TAF1B: variants seen among roughly 807,000 people sequenced by gnomAD.
The protein encoded by TAF1B is TATA-box binding protein associated factor, RNA polymerase I subunit B.
Under a neutral mutation model 83.9 loss-of-function variants are expected in TAF1B, and 61 were observed. The ratio of observed to expected loss-of-function variants is 0.73; its 90% CI spans 0.59 to 0.90. The LOEUF is 0.90. Among genes scored for constraint, TAF1B ranks in the 40% least tolerant of loss-of-function variants. TAF1B has a pLI of 0.00. For missense variants in TAF1B, 625 were observed against 677.0 expected (o/e 0.92, Z 0.85); for synonymous variants, 221 against 224.6 (o/e 0.98, Z 0.14).
chr2:9,909,135 AAATT>A (rs763478042), intron 9 of TAF1B, among the ~76,000 whole-genome samples: 2 of 152,222 alleles, frequency 1.3e-5, no homozygotes, highest in Non-Finnish European at 2.9e-5. Flanking sequence ...TTCAAGAAAG[AAATT>A]AATTTTGTGT....
chr2:9,902,220 T>C (rs1352074109), intron 8 of TAF1B, among the ~76,000 whole-genome samples: 2 of 137,082 alleles, frequency 1.5e-5, no homozygotes, highest in Admixed American at 8.3e-5. Context: ...AAAGGTGATA[T>C]ATGAAGCTTT....
intron 14 of TAF1B, among the ~76,000 whole-genome samples, chr2:9,923,760 C>T (rs765938967): frequency 6.6e-6 from 1 of 152,152 alleles, no homozygotes; most frequent in Non-Finnish European, 1.5e-5. Flanking sequence ...CCAGGGTCAG[C>T]GCCATGTCTG....
intron 6 of TAF1B, among the ~76,000 whole-genome samples, chr2:9,869,489 C>T (rs1013373363): frequency 1.3e-5 from 2 of 151,500 alleles, no homozygotes; most frequent in African/African-American, 4.8e-5. Flanking sequence ...TCCCAAAGTG[C>T]TGGGATTACA....
At chr2:9,863,998 A>G (rs1663872984) in intron 5 of TAF1B, among the ~76,000 whole-genome samples, 1 of 152,218 alleles carries the variant, frequency 6.6e-6, no homozygotes, top group African/African-American at 2.4e-5. Flanking sequence ...GAAAGCAGGA[A>G]AGATCTAAAA....
At chr2:9,913,410 T>C (rs1302549291) in intron 12 of TAF1B, 161 bp downstream of exon 12, 4 of 501,204 alleles carry the variant, frequency 8.0e-6, no homozygotes, top group Non-Finnish European at 1.4e-5. Context: ...CTTTTTTACA[T>C]TACTATTAAT....
intron 8 of TAF1B, among the ~76,000 whole-genome samples, chr2:9,890,835 A>G (rs4669481): frequency 0.23 from 35,645 of 152,022 alleles, 4,879 homozygotes; most frequent in East Asian, 0.31. Context: ...CAATTGCACA[A>G]TCTATGCTCA....
chr2:9,863,870 G>A (rs1369312820), intron 5 of TAF1B, among the ~76,000 whole-genome samples: 2 of 152,044 alleles, frequency 1.3e-5, no homozygotes, highest in Middle Eastern at 3.2e-3. Context: ...CGAAATGAAG[G>A]CAGAAATAAA....
intron 2 of TAF1B, among the ~76,000 whole-genome samples, chr2:9,849,099 G>A (rs575008302): frequency 2.6e-5 from 4 of 152,216 alleles, no homozygotes; most frequent in African/African-American, 4.8e-5. Context: ...GTTTGTAAAA[G>A]TTAAAAAGTG....
intron 14 of TAF1B, among the ~76,000 whole-genome samples, chr2:9,929,433 C>T (rs1334824728): frequency 6.6e-6 from 1 of 152,102 alleles, no homozygotes; most frequent in Non-Finnish European, 1.5e-5. Flanking sequence ...GCTGGGATTA[C>T]AGGCGCGAGC....
At chr2:9,855,533 G>C (rs867980974) in intron 5 of TAF1B, among the ~76,000 whole-genome samples, 1 of 152,024 alleles carries the variant, frequency 6.6e-6, no homozygotes, top group Admixed American at 6.5e-5. Context: ...TAAAAAATAC[G>C]TACTGGGCAT....
intron 3 of TAF1B, among the ~76,000 whole-genome samples, chr2:9,850,558 A>C: frequency 6.6e-6 from 1 of 152,196 alleles, no homozygotes; most frequent in East Asian, 1.9e-4. Context: ...TAGTTAGCAG[A>C]GGTGGGGAGA....
intron 8 of TAF1B, among the ~76,000 whole-genome samples, chr2:9,904,019 G>A (rs1027257920): frequency 2.0e-5 from 3 of 152,162 alleles, no homozygotes; most frequent in East Asian, 1.9e-4. Context: ...ATTTTATTCA[G>A]TAAGTGCATA....
At chr2:9,930,572 G>T (rs11901822) in intron 14 of TAF1B, among the ~76,000 whole-genome samples, 76,998 of 151,442 alleles carry the variant, frequency 0.51, 22,571 homozygotes, top group Non-Finnish European at 0.68. Flanking sequence ...GCTGAGGAGT[G>T]CTTTACTTCC....
intron 12 of TAF1B, among the ~76,000 whole-genome samples, chr2:9,916,492 T>G (rs1665685076): frequency 6.6e-6 from 1 of 152,242 alleles, no homozygotes; most frequent in Non-Finnish European, 1.5e-5. Flanking sequence ...TGATTGCCAC[T>G]TGTGTAGGCA....
chr2:9,923,788 G>A (rs1665953169), intron 14 of TAF1B, among the ~76,000 whole-genome samples: 1 of 152,204 alleles, frequency 6.6e-6, no homozygotes, highest in Non-Finnish European at 1.5e-5. Context: ...CGATTCCTTT[G>A]CATTGGTCAT....
At chr2:9,915,544 A>G (rs1317525603) in intron 12 of TAF1B, among the ~76,000 whole-genome samples, 2 of 152,260 alleles carry the variant, frequency 1.3e-5, no homozygotes, top group African/African-American at 2.4e-5. Flanking sequence ...GTTTAACATC[A>G]TTAATAGGGA....
At chr2:9,910,996 A>G (rs1233195259) in intron 10 of TAF1B, 83 bp downstream of exon 10, 5 of 1,332,022 alleles carry the variant, frequency 3.8e-6, no homozygotes, top group East Asian at 4.8e-5. Flanking sequence ...TGTCATGAAG[A>G]CACTTTAAAA....
chr2:9,915,476 C>T (rs1187452898), intron 12 of TAF1B, among the ~76,000 whole-genome samples: 2 of 151,438 alleles, frequency 1.3e-5, no homozygotes, highest in African/African-American at 4.8e-5. Context: ...TTTAAATGGG[C>T]AAAATATTTG....
intron 7 of TAF1B, among the ~76,000 whole-genome samples, chr2:9,876,285 A>G (rs2125151331): frequency 6.6e-6 from 1 of 152,370 alleles, no homozygotes; most frequent in East Asian, 1.9e-4. Context: ...TCTTTTGAAG[A>G]GAAAAGTGAC....
Sources: gnomAD v4.1 joint callset for allele counts (sites outside exome capture counted in the v4.1 genomes callset) on GRCh38, gnomAD v4.1.1 for gene constraint, MANE v1.5 for transcripts, NCBI Gene and HGNC (gene_info 2026-07-23, HGNC 2026-07-21) for gene names.